Variants in PDE7B observed in about 807,000 individuals in gnomAD.
PDE7B encodes the protein 3',5'-cyclic-AMP phosphodiesterase 7B.
PDE7B carries 29 observed loss-of-function variants against 56.2 expected under a neutral mutation model. That is an observed-to-expected ratio of 0.52 (90% CI 0.38 to 0.70). The LOEUF is 0.70. Among genes scored for constraint, PDE7B ranks in the 30% least tolerant of loss-of-function variants. PDE7B has a pLI of 0.00. For missense variants in PDE7B, 490 were observed against 565.0 expected, an observed-to-expected ratio of 0.87 and a Z score of 1.35; for synonymous variants, 197 against 196.9, an observed-to-expected ratio of 1.00 and a Z score of 0.00.
rs75803662 is a variant in PDE7B at position 135,901,898 on chromosome 6, C to A, written c.22-45566C>A. Among the ~76,000 whole-genome samples the A allele has an allele frequency of 6.4e-3, 981 of 152,196 alleles. 32 individuals carry two copies. The highest frequency in any genetic ancestry group is 0.013 in the East Asian group (69 of 5,184). On this transcript the variant is annotated intron_variant, in intron 1 of 12. Coordinates refer to ENST00000308191, the MANE Select transcript of PDE7B (RefSeq NM_018945.4). ...CTGAGCTGAGCAATGAAATAGAAAG[C>A]AGAATGCCTACATTCTAATCCAGCC... is the stretch of plus-strand genomic sequence containing the variant.
intron 2 of PDE7B, among the ~76,000 whole-genome samples, chr6:136,082,882 G>A (rs554389391): frequency 6.6e-6 from 1 of 152,256 alleles, no homozygotes; most frequent in South Asian, 2.1e-4. Context: ...AGGGCGATGT[G>A]AGACGAGAAA....
chr6:135,969,742 C>A (rs1474809081), intron 2 of PDE7B, among the ~76,000 whole-genome samples: 4 of 152,066 alleles, frequency 2.6e-5, no homozygotes, highest in Non-Finnish European at 5.9e-5. Flanking sequence ...ACATCAAAAG[C>A]CAAAATTGAC....
intron 2 of PDE7B, among the ~76,000 whole-genome samples, chr6:136,080,276 C>T (rs1334323346): frequency 1.3e-5 from 2 of 152,200 alleles, no homozygotes; most frequent in African/African-American, 4.8e-5. Flanking sequence ...AAGTTACAGG[C>T]TCTCCAAACT....
intron 2 of PDE7B, among the ~76,000 whole-genome samples, chr6:136,040,836 T>A (rs1273773548): frequency 6.6e-6 from 1 of 152,176 alleles, no homozygotes; most frequent in African/African-American, 2.4e-5. Context: ...AACTGAAAAT[T>A]TTCTATTCAA....
chr6:136,140,771 G>A (rs1778309170), intron 3 of PDE7B, among the ~76,000 whole-genome samples: 1 of 152,138 alleles, frequency 6.6e-6, no homozygotes, highest in Non-Finnish European at 1.5e-5. Flanking sequence ...CTGTTTGTCT[G>A]TTATTGGTGT....
At chr6:136,091,280 T>C (rs1482621170) in intron 2 of PDE7B, among the ~76,000 whole-genome samples, 1 of 152,208 alleles carries the variant, frequency 6.6e-6, no homozygotes, top group Admixed American at 6.5e-5. Flanking sequence ...GAGTAGAATG[T>C]TAGCCTAATT....
At chr6:135,972,234 A>T (rs1775105085) in intron 2 of PDE7B, among the ~76,000 whole-genome samples, 1 of 5,032 alleles carries the variant, frequency 2.0e-4, no homozygotes, top group Admixed American at 2.6e-3. Context: ...AACTGTTCTC[A>T]AAAAAAAAAA....
At chr6:136,178,537 C>T (rs974317165) in intron 9 of PDE7B, among the ~76,000 whole-genome samples, 6 of 152,122 alleles carry the variant, frequency 3.9e-5, no homozygotes, top group South Asian at 2.1e-4. Context: ...TATTGTGTTC[C>T]GTTGATGGAT....
At chr6:136,028,756 C>G (rs1382425626) in intron 2 of PDE7B, among the ~76,000 whole-genome samples, 1 of 152,214 alleles carries the variant, frequency 6.6e-6, no homozygotes, top group Non-Finnish European at 1.5e-5. Context: ...TTGGTCTCAT[C>G]CAGATAATCC....
In PDE7B at chr6:136,151,198, A is replaced by ACC. The variant is rs1778506812; in HGVS notation, c.423_424dup (p.His142ProfsTer10). On this transcript the variant is annotated frameshift_variant, in exon 6 of 13. Transcript: ENST00000308191. LOFTEE classifies it high-confidence loss of function. ...AACACTGTTGTGCCACCTCTTCAATACCCATGGACTCATTCACCATTTCAA... is the reference window on the plus strand; with the variant it reads ...AACACTGTTGTGCCACCTCTTCAATACCCCCATGGACTCATTCACCATTTCAA... 1 of 1,612,108 alleles carries ACC rather than the reference A, an allele frequency of 6.2e-7. No individual in the cohort carries two copies. The highest frequency in any genetic ancestry group is 2.2e-5 in the East Asian group (1 of 44,838).
chr6:136,059,426 T>C (rs1776798139), intron 2 of PDE7B, among the ~76,000 whole-genome samples: 1 of 152,216 alleles, frequency 6.6e-6, no homozygotes, highest in African/African-American at 2.4e-5. Context: ...GCTATGCCGA[T>C]GTAAACTTTC....
Position 136,155,783 on chromosome 6 carries a change from G to A in PDE7B, c.711+25G>A, listed in dbSNP as rs1778593376. ...GGTAAGGGAGCCCAACCTGGAGCCA[G>A]CCACAGTATGGTCAATCGCCTTAGG... On this transcript the variant is annotated intron_variant, in intron 8 of 12. Coordinates refer to ENST00000308191, the MANE Select transcript of PDE7B (RefSeq NM_018945.4). 4.3e-6 allele frequency: 7 copies of A among 1,612,726 alleles called. No homozygotes were observed. In the South Asian group the frequency reaches 7.7e-5, roughly 18 times the overall value.
intron 3 of PDE7B, among the ~76,000 whole-genome samples, chr6:136,119,988 C>T (rs1042728204): frequency 9.2e-5 from 14 of 152,202 alleles, no homozygotes; most frequent in African/African-American, 3.1e-4. Flanking sequence ...GATCTACTGA[C>T]CCCTGGTCCT....
chr6:136,075,940 C>G lies in PDE7B; in HGVS notation c.83-32791C>G, dbSNP rs150377467. 2.2e-3 allele frequency among the ~76,000 whole-genome samples: 334 copies of G among 152,266 alleles called. 2 individuals carry two copies. Among genetic ancestry groups the G allele is most frequent in the African/African-American group, 7.7e-3 (319 of 41,556 alleles). ...TCTTTGCAGGGATGACATGTTTTGT[C>G]TCCATTTTTTATACGGCAGATAAAT... On this transcript the variant is annotated intron_variant, in intron 2 of 12. Transcript: ENST00000308191.
intron 12 of PDE7B, among the ~76,000 whole-genome samples, chr6:136,191,256 G>T (rs1429267981): frequency 1.3e-5 from 2 of 152,166 alleles, no homozygotes; most frequent in Non-Finnish European, 2.9e-5. Context: ...TATGCTCCTA[G>T]GCTGAGGGTA....
At chr6:136,182,369 C>T (rs1562515931) in intron 11 of PDE7B, among the ~76,000 whole-genome samples, 1 of 152,138 alleles carries the variant, frequency 6.6e-6, no homozygotes, top group Non-Finnish European at 1.5e-5. Flanking sequence ...TAAATAAAAT[C>T]TCCAAGGAAG....
intron 1 of PDE7B, among the ~76,000 whole-genome samples, chr6:135,942,999 G>C (rs1774532663): frequency 1.3e-5 from 2 of 152,020 alleles, no homozygotes; most frequent in Admixed American, 1.3e-4. Flanking sequence ...CTGAATAAAA[G>C]TCCAATTTTA....
In PDE7B at chr6:136,139,217, G is replaced by C. The variant is rs192684001; in HGVS notation, c.167-8134G>C. The stretch of plus-strand genomic sequence containing the variant: ...TCCCACCTATGAGTGAGAACATGCA[G>C]TGTTTGGTCTTTTGTCCTTGCAATA... On this transcript the variant is annotated intron_variant, in intron 3 of 12. Transcript: ENST00000308191. 5.6e-3 allele frequency among the ~76,000 whole-genome samples: 846 copies of C among 152,286 alleles called. 4 individuals are homozygous for C. The highest frequency in any genetic ancestry group is 0.019 in the South Asian group (93 of 4,824).
At chr6:135,938,417 T>C (rs1241489851) in intron 1 of PDE7B, among the ~76,000 whole-genome samples, 1 of 152,184 alleles carries the variant, frequency 6.6e-6, no homozygotes, top group Non-Finnish European at 1.5e-5. Context: ...GTGGCATATG[T>C]ATTTGAGTCT....
Sources: allele counts gnomAD v4.1 joint callset (sites outside exome capture counted in the v4.1 genomes callset), GRCh38; gene constraint gnomAD v4.1.1; transcripts MANE v1.5; gene names NCBI Gene and HGNC (gene_info 2026-07-23, HGNC 2026-07-21).